Variants in DNAAF9 observed in about 807,000 individuals in gnomAD.
The protein encoded by DNAAF9 is dynein axonemal assembly factor 9, also known as shulin.
A neutral mutation model predicts 167.0 loss-of-function variants in DNAAF9; 90 were observed. The ratio of observed to expected loss-of-function variants is 0.54; its 90% CI spans 0.45 to 0.64. The LOEUF (loss-of-function observed/expected upper bound fraction) is 0.64, where lower values mean the gene tolerates loss of function less well. Ranked by LOEUF, DNAAF9 falls within the 30% of genes least tolerant of loss-of-function variation. DNAAF9 has a pLI of 0.00. For missense variants in DNAAF9, 1,315 were observed against 1,442.2 expected (o/e 0.91, Z 1.43); for synonymous variants, 491 against 508.8 (o/e 0.96, Z 0.47).
intron 8 of DNAAF9, among the ~76,000 whole-genome samples, chr20:3,344,101 A>G (rs1383628603): frequency 1.3e-5 from 2 of 152,208 alleles, no homozygotes; most frequent in Non-Finnish European, 2.9e-5. Flanking sequence ...ATCACCATCT[A>G]TGGTCCAAGT....
chr20:3,301,936 T>TTA (rs200717334), intron 21 of DNAAF9, among the ~76,000 whole-genome samples: 54 of 151,500 alleles, frequency 3.6e-4, no homozygotes, highest in East Asian at 5.8e-4. Context: ...TTTTAAAAAA[T>TTA]TATATATATA....
chr20:3,355,436 A>G (rs1008964626), intron 7 of DNAAF9, among the ~76,000 whole-genome samples: 9 of 152,110 alleles, frequency 5.9e-5, no homozygotes, highest in Non-Finnish European at 1.2e-4. Context: ...TTAGCCAGGC[A>G]TGGTGGCACA....
chr20:3,362,123 T>C lies in DNAAF9; in HGVS notation c.613-2530A>G, dbSNP rs930973972. ...GAGTATTTAGGTCCATATTCTATTT[T>C]AAGGCTGTATATTCGGTTTTCATAA... On this transcript the variant is annotated intron_variant, in intron 6 of 36. Transcript: ENST00000252032. The C allele has an allele frequency of 4.9e-4, 674 of 1,386,294 alleles. 2 individuals carry two copies. The highest frequency in any genetic ancestry group is 1.0e-3 in the Middle Eastern group (4 of 3,902). The allele number at this position is 1,386,294 out of a possible 1,614,324, so 85.9% of individuals were successfully genotyped here. A position where few individuals can be genotyped will look rare whatever the true frequency, so the allele number is the denominator to read the frequency against.
chr20:3,337,560 T>C (rs1221213705), intron 10 of DNAAF9, among the ~76,000 whole-genome samples: 1 of 152,184 alleles, frequency 6.6e-6, no homozygotes, highest in African/African-American at 2.4e-5. Context: ...CCTTGTCAGT[T>C]AATTCTCACA....
intron 10 of DNAAF9, among the ~76,000 whole-genome samples, chr20:3,339,851 C>T (rs1333311821): frequency 6.6e-6 from 1 of 152,220 alleles, no homozygotes; most frequent in East Asian, 1.9e-4. Flanking sequence ...GGCTGTGCCA[C>T]TGCACTCTAG....
chr20:3,298,320 T>C (rs2069119470), intron 21 of DNAAF9, 145 bp from the exon 22 acceptor site: 2 of 695,840 alleles, frequency 2.9e-6, no homozygotes, highest in Non-Finnish European at 2.4e-6. Context: ...AGATGTGCTT[T>C]ACTTATAGGA....
chr20:3,256,758 A>C (rs1277718631), intron 33 of DNAAF9, among the ~76,000 whole-genome samples: 2 of 152,246 alleles, frequency 1.3e-5, no homozygotes, highest in Non-Finnish European at 2.9e-5. Context: ...TGGTTGCTGG[A>C]ATAGCTGTTA....
At chr20:3,318,425 G>C (rs1320704645) in intron 16 of DNAAF9, 25 bp from the exon 17 acceptor site, 5 of 1,198,430 alleles carry the variant, frequency 4.2e-6, no homozygotes, top group Non-Finnish European at 6.2e-6. Context: ...AAACCAGTTA[G>C]ATCAGTTACC....
rs1166587835 is a variant in DNAAF9 at position 3,294,727 on chromosome 20, CAG to C, written c.2019-100_2019-99del. On this transcript the variant is annotated intron_variant, in intron 23 of 36. Transcript: ENST00000252032. ...ATGCTTTCAAGCCAGAGTCCAATGA[CAG>C]AGTCAACTCTTCCAAAACACACATC... 7.9e-6 allele frequency: 6 copies of C among 757,654 alleles called. No individual in the cohort carries two copies. In the East Asian group the frequency reaches 1.3e-4, roughly 17 times the overall value. The allele number at this position is 757,654 out of a possible 1,614,324, so 46.9% of individuals were successfully genotyped here.
At chr20:3,329,904 G>A (rs192065402) in intron 12 of DNAAF9, among the ~76,000 whole-genome samples, 2 of 152,324 alleles carry the variant, frequency 1.3e-5, no homozygotes, top group African/African-American at 4.8e-5. Context: ...GACCCTTTCT[G>A]AGGTTGCACA....
chr20:3,292,947 G>C (rs566161615), intron 25 of DNAAF9, among the ~76,000 whole-genome samples: 1 of 151,752 alleles, frequency 6.6e-6, no homozygotes, highest in African/African-American at 2.4e-5. Context: ...TTAACAGGGC[G>C]TGGTGGCAGG....
Position 3,325,097 on chromosome 20 carries a change from T to C in DNAAF9, c.1189-129A>G, listed in dbSNP as rs1420209897. The C allele has an allele frequency of 1.0e-5, 7 of 680,796 alleles. No homozygotes were observed. The East Asian group carries it at 1.8e-4, about 17-fold the overall frequency. 42.2% of individuals were successfully genotyped at this position (680,796 alleles called of 1,614,324 possible). A position where few individuals can be genotyped will look rare whatever the true frequency, so the allele number is the denominator to read the frequency against. On this transcript the variant is annotated intron_variant, in intron 13 of 36. Transcript: ENST00000252032. Reference sequence around the variant, plus strand: ...CCCTACAGTGTGTCCTTCCCATCTATGTGACTACTTGGTAGGCATGAATAG... The same window carrying C: ...CCCTACAGTGTGTCCTTCCCATCTACGTGACTACTTGGTAGGCATGAATAG...
chr20:3,306,801 G>A (rs2069305459), intron 20 of DNAAF9: 1 of 530,472 alleles, frequency 1.9e-6, no homozygotes, highest in Admixed American at 6.4e-5. Context: ...CCTTCCATCA[G>A]CCCACAGAGC....
At chr20:3,337,069 T>TG (rs1253951305) in intron 10 of DNAAF9, among the ~76,000 whole-genome samples, 1 of 151,528 alleles carries the variant, frequency 6.6e-6, no homozygotes, top group African/African-American at 2.4e-5. Context: ...TTAGTAGAGA[T>TG]GGGGTTTCAC....
chr20:3,343,868 CAT>C (rs1491570119), intron 8 of DNAAF9, 137 bp from the exon 9 acceptor site: 99 of 574,628 alleles, frequency 1.7e-4, no homozygotes, highest in African/African-American at 9.0e-4. Context: ...TGCGTGTGTG[CAT>C]GTGCGTGTGT....
chr20:3,386,341 ACTAATTTTT>A (rs2083737107), intron 1 of DNAAF9, among the ~76,000 whole-genome samples: 1 of 152,254 alleles, frequency 6.6e-6, no homozygotes, highest in African/African-American at 2.4e-5. Flanking sequence ...AGTACAACTA[ACTAATTTTT>A]AACAAAGGCA....
intron 1 of DNAAF9, among the ~76,000 whole-genome samples, chr20:3,397,308 T>TG (rs2083922483): frequency 1.0e-5 from 1 of 100,324 alleles, no homozygotes. Flanking sequence ...ATTATTTCTT[T>TG]TTTTGTTTTG....
At chr20:3,386,576 C>T (rs1453012495) in intron 1 of DNAAF9, among the ~76,000 whole-genome samples, 2 of 151,822 alleles carry the variant, frequency 1.3e-5, no homozygotes, top group South Asian at 2.1e-4. Context: ...ACACTTGACA[C>T]CAAAAAGTGT....
chr20:3,397,787 C>T (rs1199079595), intron 1 of DNAAF9, among the ~76,000 whole-genome samples: 1 of 151,970 alleles, frequency 6.6e-6, no homozygotes, highest in Non-Finnish European at 1.5e-5. Context: ...ACAATTCTTG[C>T]ATTTATTGGA....
Sources: gnomAD v4.1 joint callset for allele counts (sites outside exome capture counted in the v4.1 genomes callset) on GRCh38, gnomAD v4.1.1 for gene constraint, MANE v1.5 for transcripts, NCBI Gene and HGNC (gene_info 2026-07-23, HGNC 2026-07-21) for gene names.